PRRG4: variants seen among roughly 807,000 people sequenced by gnomAD.
PRRG4 encodes proline rich and Gla domain 4, also known as transmembrane gamma-carboxyglutamic acid protein 4.
PRRG4 carries 12 observed loss-of-function variants against 20.0 expected under a neutral mutation model. The ratio of observed to expected loss-of-function variants is 0.60; its 90% CI spans 0.38 to 0.97. The LOEUF (loss-of-function observed/expected upper bound fraction) is 0.97, where lower values mean the gene tolerates loss of function less well. Among genes scored for constraint, PRRG4 ranks in the 50% least tolerant of loss-of-function variants. PRRG4 has a pLI of 0.00. For synonymous variants in PRRG4, 94 were observed against 96.4 expected, an observed-to-expected ratio of 0.98 and a Z score of 0.15; for missense variants, 199 against 265.1, an observed-to-expected ratio of 0.75 and a Z score of 1.73.
intron 5 of PRRG4, among the ~76,000 whole-genome samples, chr11:32,852,510 AC>A (rs1338597558): frequency 1.3e-5 from 2 of 152,208 alleles, no homozygotes; most frequent in Non-Finnish European, 2.9e-5. Flanking sequence ...CCACCTTTCA[AC>A]AAAGCCTGAA....
intron 2 of PRRG4, among the ~76,000 whole-genome samples, chr11:32,835,173 T>A (rs2133438857): frequency 6.6e-6 from 1 of 152,340 alleles, no homozygotes; most frequent in African/African-American, 2.4e-5. Context: ...CAAAATAGTT[T>A]TAGAACATTC....
rs1253790845 is a variant in PRRG4, at chr11:32,854,485, G to A, written c.*958G>A. On this transcript the variant is annotated 3_prime_UTR_variant, in exon 6 of 6. Transcript: ENST00000257836. ...AGGTGGGAGAATCGCTTGAACTCGG[G>A]AGGTGGAGGTTGTAGTGAGGCGAGA... 1 of 151,554 alleles carries A rather than the reference G, an allele frequency of 6.6e-6. No homozygotes were observed. The highest frequency in any genetic ancestry group is 1.5e-5 in the Non-Finnish European group (1 of 67,984). 9.4% of individuals were successfully genotyped at this position (151,554 alleles called of 1,614,324 possible).
Position 32,843,151 on chromosome 11 carries a change from G to C in PRRG4, c.449+2912G>C, listed in dbSNP as rs562516740. On this transcript the variant is annotated intron_variant, in intron 5 of 5. Coordinates refer to ENST00000257836, the MANE Select transcript of PRRG4 (RefSeq NM_024081.6). ...AGCCACCGTGCCCAGCCAGAAGAAA[G>C]TTTAAAGTAGGTTGTTTCATTTCAT... 1.2e-4 allele frequency among the ~76,000 whole-genome samples: 18 copies of C among 152,166 alleles called. No homozygotes were observed. In the East Asian group the frequency reaches 2.9e-3, roughly 25 times the overall value.
rs760833816 is a variant in PRRG4, at chr11:32,830,622, GGGA to G, written c.95_97del (p.Gly32del). 2.2e-5 allele frequency: 35 copies of G among 1,613,860 alleles called. No individual in the cohort carries two copies. The South Asian group carries it at 3.8e-4, about 18-fold the overall frequency. ...GAGGTCCAAAGGCTTCTAAGCATGC[GGGA>G]GAAGAAGGTAAGCACTAAAACGTCC... On this transcript the variant is annotated inframe_deletion, in exon 2 of 6. Coordinates refer to ENST00000257836, the MANE Select transcript of PRRG4 (RefSeq NM_024081.6).
intron 5 of PRRG4, among the ~76,000 whole-genome samples, chr11:32,841,334 T>A (rs1851076439): frequency 6.6e-6 from 1 of 152,170 alleles, no homozygotes; most frequent in Non-Finnish European, 1.5e-5. Flanking sequence ...TCATATCAAG[T>A]AAACTTTAAA....
chr11:32,836,465 A>G (rs1189345709), intron 2 of PRRG4, among the ~76,000 whole-genome samples, 193 bp from the exon 3 acceptor site: 1 of 152,194 alleles, frequency 6.6e-6, no homozygotes, highest in Non-Finnish European at 1.5e-5. Context: ...CTAACTTTGT[A>G]TTTCACATTT....
chr11:32,834,639 T>A (rs906456865), intron 2 of PRRG4, among the ~76,000 whole-genome samples: 3 of 152,188 alleles, frequency 2.0e-5, no homozygotes, highest in Non-Finnish European at 4.4e-5. Flanking sequence ...GAAATTAATT[T>A]TAAGAATGTA....
At position 32,834,382 on chromosome 11, in the gene PRRG4, G is replaced by A. The variant is rs183497994; in HGVS notation, c.104-2276G>A. On this transcript the variant is annotated intron_variant, in intron 2 of 5. Coordinates refer to ENST00000257836, the MANE Select transcript of PRRG4 (RefSeq NM_024081.6). ...ATATAAAATCTACAAGAAGACAAAG[G>A]AGGAAACAGAATAGAAATATTTCAT... Among the ~76,000 whole-genome samples, 33 of 152,220 alleles carry A rather than the reference G, an allele frequency of 2.2e-4. No individual in the cohort carries two copies. The East Asian group carries it at 2.3e-3, about 11-fold the overall frequency.
In PRRG4 at chr11:32,840,743, GC is replaced by G. The variant is rs1851070122; in HGVS notation, c.449+505del. Among the ~76,000 whole-genome samples, 1 of 152,148 alleles carries G rather than the reference GC, an allele frequency of 6.6e-6. No individual in the cohort carries two copies. Among genetic ancestry groups the G allele is most frequent in the South Asian group, 2.1e-4 (1 of 4,830 alleles). ...TCAGTATTTCCTTCTTAAGCAAGAGGCAGATACCAGTGTCTTCACATTATTT... is the reference window on the plus strand; with the variant it reads ...TCAGTATTTCCTTCTTAAGCAAGAGGAGATACCAGTGTCTTCACATTATTT... On this transcript the variant is annotated intron_variant, in intron 5 of 5. Coordinates refer to ENST00000257836, the MANE Select transcript of PRRG4 (RefSeq NM_024081.6). The surrounding 1 kb of genome is among the most constrained non-coding windows in gnomAD (Gnocchi z 4.1).
chr11:32,836,647 T>C lies in PRRG4; in HGVS notation c.104-11T>C. 6.8e-7 allele frequency: 1 copy of C among 1,465,382 alleles called. No homozygotes were observed. Among genetic ancestry groups the C allele is most frequent in the Middle Eastern group, 1.8e-4 (1 of 5,680 alleles). 90.8% of individuals were successfully genotyped at this position (1,465,382 alleles called of 1,614,324 possible). On this transcript the variant is annotated splice_polypyrimidine_tract_variant and intron_variant, in intron 2 of 5. Coordinates refer to ENST00000257836, the MANE Select transcript of PRRG4 (RefSeq NM_024081.6). The stretch of plus-strand genomic sequence containing the variant: ...TGATCAATGTTTAAGTCTTTTTCAT[T>C]ACTTTATTAGTGTTTACATCAAAAG...
At chr11:32,847,518 G>A (rs1851142128) in intron 5 of PRRG4, among the ~76,000 whole-genome samples, 1 of 152,174 alleles carries the variant, frequency 6.6e-6, no homozygotes, top group Non-Finnish European at 1.5e-5. Flanking sequence ...AGGATATGGA[G>A]AAATTGGAAC....
intron 5 of PRRG4, among the ~76,000 whole-genome samples, chr11:32,841,058 A>G (rs1330025328): frequency 2.7e-5 from 4 of 147,186 alleles, no homozygotes; most frequent in Non-Finnish European, 6.0e-5. Context: ...GTAGGCGTAG[A>G]AACAATCTTA....
chr11:32,845,851 T>C (rs979896485), intron 5 of PRRG4, among the ~76,000 whole-genome samples: 22 of 151,850 alleles, frequency 1.4e-4, no homozygotes, highest in African/African-American at 4.8e-4. Context: ...CCAAAGATTT[T>C]TTAAAAAAAT....
intron 5 of PRRG4, among the ~76,000 whole-genome samples, chr11:32,841,046 G>A (rs909841304): frequency 6.7e-6 from 1 of 150,312 alleles, no homozygotes; most frequent in African/African-American, 2.5e-5. Flanking sequence ...AAGTATGGCT[G>A]AGTAGGCGTA....
chr11:32,851,293 A>G (rs1851181274), intron 5 of PRRG4, among the ~76,000 whole-genome samples: 1 of 152,206 alleles, frequency 6.6e-6, no homozygotes, highest in African/African-American at 2.4e-5. Flanking sequence ...TCCATACATT[A>G]AATTTTGAAA....
At chr11:32,829,822 T>G (rs1850944722), upstream of PRRG4, 1 of 985,152 alleles carries the variant, frequency 1.0e-6, no homozygotes, top group Non-Finnish European at 1.2e-6. Context: ...CAGCGCGGGC[T>G]CCCGGGAGAC....
chr11:32,851,414 G>A (rs1851182238), intron 5 of PRRG4, among the ~76,000 whole-genome samples: 1 of 152,182 alleles, frequency 6.6e-6, no homozygotes. Context: ...GCAAGTGACT[G>A]CCTACCATGA....
chr11:32,836,031 G>C (rs969637378), intron 2 of PRRG4, among the ~76,000 whole-genome samples: 1 of 152,130 alleles, frequency 6.6e-6, no homozygotes, highest in African/African-American at 2.4e-5. Context: ...GAACCCAGGA[G>C]GCGGAGATTG....
chr11:32,857,560 G>A lies in PRRG4; in HGVS notation c.*4033G>A, dbSNP rs1315903350. ...CCTCCATGTCTTAGGTTTCAAGTTT[G>A]CCTCTAAAATTCTAATCCATATTTT... On this transcript the variant is annotated 3_prime_UTR_variant, in exon 6 of 6. Coordinates refer to ENST00000257836, the MANE Select transcript of PRRG4 (RefSeq NM_024081.6). The A allele has an allele frequency of 6.6e-6, 1 of 152,280 alleles. No individual in the cohort carries two copies. The highest frequency in any genetic ancestry group is 1.5e-5 in the Non-Finnish European group (1 of 68,018). 9.4% of individuals were successfully genotyped at this position (152,280 alleles called of 1,614,324 possible). A position where few individuals can be genotyped will look rare whatever the true frequency, so the allele number is the denominator to read the frequency against.
Sources: gnomAD v4.1 joint callset for allele counts (sites outside exome capture counted in the v4.1 genomes callset) on GRCh38, gnomAD v4.1.1 for gene constraint, Gnocchi (gnomAD v3.1) non-coding constraint, MANE v1.5 for transcripts, NCBI Gene and HGNC (gene_info 2026-07-23, HGNC 2026-07-21) for gene names.